OCA2: variants seen among roughly 807,000 people sequenced by gnomAD.
OCA2 encodes the protein OCA2 melanosomal transmembrane protein.
A neutral mutation model predicts 100.2 loss-of-function variants in OCA2; 77 were observed. The ratio of observed to expected loss-of-function variants is 0.77; its 90% CI spans 0.64 to 0.93. The LOEUF (loss-of-function observed/expected upper bound fraction) is 0.93. OCA2 is among the 40% of genes least tolerant of loss of function. The probability of loss-of-function intolerance (pLI) is 0.00; values close to 1 mark genes in which losing one functional copy is unlikely to be tolerated. For synonymous variants in OCA2, 432 were observed against 439.2 expected (o/e 0.98, Z 0.21); for missense variants, 1,062 against 1,089.1 (o/e 0.98, Z 0.35).
At chr15:27,722,656 C>CTTTT in the OCA2 span, among the ~76,000 whole-genome samples, 1 of 74,298 alleles carries the variant, frequency 1.3e-5, no homozygotes, top group Non-Finnish European at 2.9e-5. Context: ...CTTCTTTTCT[C>CTTTT]TCTTTCTTTC....
chr15:27,897,819 C>T (rs548840345), intron 19 of OCA2, among the ~76,000 whole-genome samples: 4 of 152,278 alleles, frequency 2.6e-5, no homozygotes, highest in Admixed American at 1.3e-4. Context: ...TCAACCAGCC[C>T]GTGAAGGCAG....
At chr15:27,955,067 GC>G (rs2040174026) in intron 17 of OCA2, 90 bp downstream of exon 17, 2 of 909,150 alleles carry the variant, frequency 2.2e-6, no homozygotes, top group African/African-American at 3.3e-5. Flanking sequence ...AAGAGAAACG[GC>G]ATTCAGTCAC....
intron 23 of OCA2, among the ~76,000 whole-genome samples, chr15:27,773,622 G>A (rs1010295276): frequency 1.3e-5 from 2 of 152,196 alleles, no homozygotes; most frequent in Non-Finnish European, 2.9e-5. Context: ...CTGTGAGATA[G>A]GGAGCATTAT....
At position 28,032,518 on chromosome 15, in the gene OCA2, G is replaced by A. The variant is rs1015088458; in HGVS notation, c.228-355C>T. Among the ~76,000 whole-genome samples, 3 of 152,112 alleles carry A rather than the reference G, an allele frequency of 2.0e-5. 1 individual carries two copies. Among genetic ancestry groups the A allele is most frequent in the African/African-American group, 7.2e-5 (3 of 41,414 alleles). The stretch of plus-strand genomic sequence containing the variant: ...AACATTCAGAGGGACGGGCGCGGTG[G>A]CTCACGCCTGTAATCCCACCACTTT... On this transcript the variant is annotated intron_variant, in intron 2 of 23. Coordinates refer to ENST00000354638, the MANE Select transcript of OCA2 (RefSeq NM_000275.3).
At chr15:27,819,489 C>T (rs548946396) in intron 23 of OCA2, among the ~76,000 whole-genome samples, 19 of 152,250 alleles carry the variant, frequency 1.2e-4, no homozygotes, top group African/African-American at 3.4e-4. Context: ...GCATTTCCCA[C>T]GAGAATGCCA....
At chr15:27,771,252 A>G (rs1432608190) in intron 23 of OCA2, among the ~76,000 whole-genome samples, 1 of 151,418 alleles carries the variant, frequency 6.6e-6, no homozygotes, top group Non-Finnish European at 1.5e-5. Context: ...CTCACAGCAA[A>G]TCGCCCCACT....
At chr15:27,934,892 G>T (rs958691950) in intron 18 of OCA2, among the ~76,000 whole-genome samples, 1 of 152,062 alleles carries the variant, frequency 6.6e-6, no homozygotes, top group African/African-American at 2.4e-5. Flanking sequence ...ACTTTTAATC[G>T]CACTGCCTGC....
At chr15:28,076,153 T>C (rs1322365308) in intron 2 of OCA2, among the ~76,000 whole-genome samples, 1 of 152,186 alleles carries the variant, frequency 6.6e-6, no homozygotes, top group African/African-American at 2.4e-5. Context: ...TTGTATTACA[T>C]ATAGGAAAGA....
chr15:28,075,979 C>T (rs1292204308), intron 2 of OCA2, among the ~76,000 whole-genome samples: 1 of 152,200 alleles, frequency 6.6e-6, no homozygotes, highest in African/African-American at 2.4e-5. Flanking sequence ...TGTCAAAACT[C>T]ATAGATCTAC....
At chr15:27,908,276 AAT>A (rs1403760288) in intron 19 of OCA2, among the ~76,000 whole-genome samples, 6 of 152,216 alleles carry the variant, frequency 3.9e-5, no homozygotes, top group Non-Finnish European at 8.8e-5. Flanking sequence ...AGTGAAAAAT[AAT>A]ATGATGATCT....
At chr15:28,027,779 T>C (rs1243890089) in intron 4 of OCA2, 92 bp downstream of exon 4, 6 of 1,338,542 alleles carry the variant, frequency 4.5e-6, no homozygotes, top group Non-Finnish European at 6.3e-6. Flanking sequence ...CATCCTCTTC[T>C]TCACGCTGCT....
chr15:28,055,153 T>C (rs1237479079), intron 2 of OCA2, among the ~76,000 whole-genome samples: 1 of 152,178 alleles, frequency 6.6e-6, no homozygotes, highest in East Asian at 1.9e-4. Flanking sequence ...ACTTTTGCAG[T>C]TGTCTAAGAG....
intron 19 of OCA2, among the ~76,000 whole-genome samples, chr15:27,885,463 G>T (rs763900008): frequency 6.6e-6 from 1 of 152,136 alleles, no homozygotes; most frequent in Non-Finnish European, 1.5e-5. Context: ...TCATCACTTA[G>T]GAACCAAGAA....
At chr15:28,033,319 G>A (rs974326927) in intron 2 of OCA2, among the ~76,000 whole-genome samples, 8 of 152,224 alleles carry the variant, frequency 5.3e-5, no homozygotes, top group Non-Finnish European at 5.9e-5. Context: ...TGCTGTAGAT[G>A]CTATGAAACA....
chr15:27,907,381 G>T (rs1224181763), intron 19 of OCA2, among the ~76,000 whole-genome samples: 1 of 152,036 alleles, frequency 6.6e-6, no homozygotes, highest in Non-Finnish European at 1.5e-5. Flanking sequence ...ATTTAAAGCA[G>T]TAATCAGAGG....
At chr15:27,926,379 A>ACAT in intron 18 of OCA2, 125 bp from the exon 19 acceptor site, 8 of 991,924 alleles carry the variant, frequency 8.1e-6, no homozygotes, top group African/African-American at 1.6e-5. Context: ...GCATATATGT[A>ACAT]AAATGCATAT....
At chr15:27,881,727 A>G (rs574602821) in intron 19 of OCA2, among the ~76,000 whole-genome samples, 7 of 151,966 alleles carry the variant, frequency 4.6e-5, no homozygotes, top group African/African-American at 1.7e-4. Flanking sequence ...CCTCTTTATC[A>G]TTTTTTTATT....
chr15:28,026,685 G>T (rs934018145), intron 4 of OCA2, among the ~76,000 whole-genome samples: 1 of 152,160 alleles, frequency 6.6e-6, no homozygotes, highest in Non-Finnish European at 1.5e-5. Flanking sequence ...GGATTGTTGG[G>T]AAGATGTATA....
intron 19 of OCA2, among the ~76,000 whole-genome samples, chr15:27,906,442 A>C (rs2038179924): frequency 6.6e-6 from 1 of 152,222 alleles, no homozygotes; most frequent in South Asian, 2.1e-4. Flanking sequence ...GAGAATAAAA[A>C]TGAATAAGTA....
Sources: gnomAD v4.1 joint callset for allele counts (sites outside exome capture counted in the v4.1 genomes callset) on GRCh38, gnomAD v4.1.1 for gene constraint, MANE v1.5 for transcripts, NCBI Gene and HGNC (gene_info 2026-07-23, HGNC 2026-07-21) for gene names.